PIP5K1B: variants seen among roughly 807,000 people sequenced by gnomAD.
PIP5K1B encodes phosphatidylinositol-4-phosphate 5-kinase type 1 beta, also known as phosphatidylinositol 4-phosphate 5-kinase type-1 beta.
In PIP5K1B, 42 loss-of-function variants were observed where a neutral mutation model predicts 67.0. The observed-to-expected ratio is 0.63, with a 90% CI of 0.49 to 0.81. The LOEUF is 0.81. Ranked by LOEUF, PIP5K1B falls within the 30% of genes least tolerant of loss-of-function variation. The probability of loss-of-function intolerance (pLI) is 0.00; values close to 1 mark genes in which losing one functional copy is unlikely to be tolerated. For missense variants in PIP5K1B, 459 were observed against 646.3 expected, an observed-to-expected ratio of 0.71 and a Z score of 3.14; for synonymous variants, 214 against 231.4, an observed-to-expected ratio of 0.92 and a Z score of 0.68.
At chr9:68,789,471 C>T (rs560384424) in intron 2 of PIP5K1B, 175 of 514,960 alleles carry the variant, frequency 3.4e-4, no homozygotes, top group Admixed American at 1.1e-3. Context: ...ATCACAGCCA[C>T]AAAAAAAGAT....
At chr9:68,809,373 A>C (rs1833037946) in intron 2 of PIP5K1B, among the ~76,000 whole-genome samples, 1 of 152,146 alleles carries the variant, frequency 6.6e-6, no homozygotes, top group Non-Finnish European at 1.5e-5. Context: ...AAGAACTATA[A>C]TACTTCCTAT....
intron 12 of PIP5K1B, among the ~76,000 whole-genome samples, chr9:68,932,954 G>A (rs961845968): frequency 6.6e-6 from 1 of 152,078 alleles, no homozygotes; most frequent in South Asian, 2.1e-4. Flanking sequence ...TACAAAATTA[G>A]CCAGGCATGG....
intron 15 of PIP5K1B, among the ~76,000 whole-genome samples, chr9:69,006,486 G>T (rs1350557505): frequency 6.6e-6 from 1 of 152,132 alleles, no homozygotes; most frequent in African/African-American, 2.4e-5. Flanking sequence ...TGCCACTATT[G>T]CTGGTGACAG....
At chr9:68,858,419 T>C (rs1192942009) in intron 4 of PIP5K1B, among the ~76,000 whole-genome samples, 1 of 152,196 alleles carries the variant, frequency 6.6e-6, no homozygotes, top group Non-Finnish European at 1.5e-5. Flanking sequence ...AGAGAAAGCA[T>C]TGGACCTCAT....
At chr9:68,867,196 CTT>C (rs1823402056) in intron 5 of PIP5K1B, among the ~76,000 whole-genome samples, 3 of 146,424 alleles carry the variant, frequency 2.0e-5, no homozygotes, top group Non-Finnish European at 3.0e-5. Context: ...TTTTTTTTTT[CTT>C]GTTATTTTTA....
Position 68,894,503 on chromosome 9 carries a change from A to G in PIP5K1B, c.636A>G (p.Arg212=). The G allele has an allele frequency of 6.2e-7, 1 of 1,614,164 alleles. No homozygotes were observed. ...YDLKGSTYKR[R]ASRKEREKSN... is the part of the protein sequence containing the mutation. ...TGAAAGGCTCAACGTATAAGCGAAGAGCATCCCGTAAAGAGAGAGAGAAAT... is the reference window on the plus strand; with the variant it reads ...TGAAAGGCTCAACGTATAAGCGAAGGGCATCCCGTAAAGAGAGAGAGAAAT... Residue 212 remains arginine (R), a synonymous_variant, in exon 8 of 16, where the codon AGA becomes AGG. Coordinates refer to ENST00000265382, the MANE Select transcript of PIP5K1B (RefSeq NM_003558.4).
chr9:68,940,959 T>C (rs1827531241), intron 14 of PIP5K1B, 169 bp downstream of exon 14: 3 of 716,728 alleles, frequency 4.2e-6, no homozygotes, highest in Admixed American at 4.0e-5. Flanking sequence ...CAAAAGAACA[T>C]TGGAGGGAAA....
At chr9:68,828,258 G>A (rs1258959749) in intron 4 of PIP5K1B, among the ~76,000 whole-genome samples, 1 of 152,200 alleles carries the variant, frequency 6.6e-6, no homozygotes, top group African/African-American at 2.4e-5. Context: ...CCTCCACTGG[G>A]AGATTCTGGT....
intron 3 of PIP5K1B, among the ~76,000 whole-genome samples, chr9:68,819,919 T>C (rs1228081215): frequency 6.6e-6 from 1 of 152,126 alleles, no homozygotes; most frequent in Non-Finnish European, 1.5e-5. Context: ...AAGGAAGTGT[T>C]TTAAAAAAAA....
chr9:68,968,982 C>T (rs1829197556), intron 14 of PIP5K1B, among the ~76,000 whole-genome samples: 2 of 152,076 alleles, frequency 1.3e-5, no homozygotes, highest in South Asian at 4.1e-4. Context: ...GGTTGGAAAC[C>T]TGTGTCTTTG....
At chr9:68,755,116 T>G (rs1171137012) in intron 2 of PIP5K1B, among the ~76,000 whole-genome samples, 1 of 152,234 alleles carries the variant, frequency 6.6e-6, no homozygotes, top group Non-Finnish European at 1.5e-5. Flanking sequence ...CAAACATTTA[T>G]GTAATGTAAA....
intron 2 of PIP5K1B, among the ~76,000 whole-genome samples, chr9:68,763,497 G>A (rs761345261): frequency 1.4e-4 from 21 of 152,030 alleles, no homozygotes; most frequent in Non-Finnish European, 2.8e-4. Context: ...CGATGATGAT[G>A]ATCACAATGA....
chr9:68,950,819 A>G (rs1828029411), intron 14 of PIP5K1B, among the ~76,000 whole-genome samples: 1 of 152,240 alleles, frequency 6.6e-6, no homozygotes. Flanking sequence ...TTACCTGTGG[A>G]GTCATCACCA....
chr9:68,983,269 T>G (rs1829962766), intron 14 of PIP5K1B, among the ~76,000 whole-genome samples: 1 of 152,124 alleles, frequency 6.6e-6, no homozygotes, highest in African/African-American at 2.4e-5. Flanking sequence ...GAGTGGCAGT[T>G]AGAATGTGAT....
chr9:68,838,177 GT>G lies in PIP5K1B; in HGVS notation c.69+15504del, dbSNP rs200913039. 1.7e-4 allele frequency among the ~76,000 whole-genome samples: 25 copies of G among 143,518 alleles called. 1 individual carries two copies. The highest frequency in any genetic ancestry group is 5.4e-4 in the African/African-American group (21 of 39,126). 94.2% of individuals were successfully genotyped at this position (143,518 alleles called of 152,430 possible). A position where few individuals can be genotyped will look rare whatever the true frequency, so the allele number is the denominator to read the frequency against. ...AGTTTATTTTGTAAACTGACAACCT[GT>G]TTTTTTTTTAACTATTCTACTCGGT... On this transcript the variant is annotated intron_variant, in intron 4 of 15. Coordinates refer to ENST00000265382, the MANE Select transcript of PIP5K1B (RefSeq NM_003558.4).
chr9:68,801,666 C>A (rs992999581), intron 2 of PIP5K1B, among the ~76,000 whole-genome samples: 9 of 152,286 alleles, frequency 5.9e-5, no homozygotes, highest in African/African-American at 2.2e-4. Flanking sequence ...GGAATCTCAT[C>A]AAAGAGATAA....
intron 1 of PIP5K1B, among the ~76,000 whole-genome samples, chr9:68,724,663 T>C (rs1256905573): frequency 6.6e-6 from 1 of 152,174 alleles, no homozygotes; most frequent in African/African-American, 2.4e-5. Context: ...GTTGAGTTTA[T>C]TACTAGGTTT....
chr9:68,896,076 C>T (rs1462161775), intron 8 of PIP5K1B, among the ~76,000 whole-genome samples: 7 of 152,054 alleles, frequency 4.6e-5, no homozygotes, highest in Admixed American at 4.6e-4. Context: ...CAAAAAACGT[C>T]CAGCAGATAT....
chr9:68,805,663 G>A (rs901540029), intron 2 of PIP5K1B, among the ~76,000 whole-genome samples: 2 of 152,130 alleles, frequency 1.3e-5, no homozygotes, highest in Non-Finnish European at 2.9e-5. Context: ...TGTGACCACC[G>A]AGCTGTCATC....
Sources: gnomAD v4.1 joint callset for allele counts (sites outside exome capture counted in the v4.1 genomes callset) on GRCh38, gnomAD v4.1.1 for gene constraint, MANE v1.5 for transcripts, NCBI Gene and HGNC (gene_info 2026-07-23, HGNC 2026-07-21) for gene names.